Variants in STX18 observed in about 807,000 individuals in gnomAD.
STX18 encodes syntaxin 18, also known as syntaxin-18.
Under a neutral mutation model 50.1 loss-of-function variants are expected in STX18, and 40 were observed. That is an observed-to-expected ratio of 0.80 (90% confidence interval 0.62 to 1.04). STX18 has a LOEUF of 1.04. STX18 is among the 50% of genes least tolerant of loss of function. STX18 has a pLI of 0.00. For synonymous variants in STX18, 158 were observed against 151.8 expected, an observed-to-expected ratio of 1.04 and a Z score of -0.30; for missense variants, 410 against 415.8, an observed-to-expected ratio of 0.99 and a Z score of 0.12.
chr4:4,419,890 A>G lies in STX18; in HGVS notation c.*144T>C, dbSNP rs1724836294. On this transcript the variant is annotated 3_prime_UTR_variant, in exon 11 of 11. Transcript: ENST00000306200. Reference sequence around the variant, plus strand: ...CCTGGGGTATCCCTTTTTGGGGAATACGTCTGTCTGTCTGAACTCCTTTCC... The same window carrying G: ...CCTGGGGTATCCCTTTTTGGGGAATGCGTCTGTCTGTCTGAACTCCTTTCC... 1.5e-6 allele frequency: 1 copy of G among 689,330 alleles called. No homozygotes were observed. The highest frequency in any genetic ancestry group is 2.4e-6 in the Non-Finnish European group (1 of 409,450). 42.7% of individuals were successfully genotyped at this position (689,330 alleles called of 1,614,324 possible). A position where few individuals can be genotyped will look rare whatever the true frequency, so the allele number is the denominator to read the frequency against.
intron 7 of STX18, among the ~76,000 whole-genome samples, chr4:4,426,889 T>C (rs28681006): frequency 0.37 from 56,641 of 152,006 alleles, 15,367 homozygotes; most frequent in African/African-American, 0.77. Context: ...ACATCTCCCA[T>C]CTCAGCTCTG....
At chr4:4,487,831 A>C (rs1728764719) in intron 1 of STX18, among the ~76,000 whole-genome samples, 1 of 152,238 alleles carries the variant, frequency 6.6e-6, no homozygotes, top group African/African-American at 2.4e-5. Context: ...AAACTTTAAA[A>C]AATTCTAAGT....
At chr4:4,467,997 A>T (rs1005349053) in intron 2 of STX18, among the ~76,000 whole-genome samples, 2 of 152,196 alleles carry the variant, frequency 1.3e-5, no homozygotes, top group African/African-American at 4.8e-5. Flanking sequence ...GAGCTGAGAA[A>T]AAACCATCAA....
intron 1 of STX18, among the ~76,000 whole-genome samples, chr4:4,489,915 T>C (rs1386354344): frequency 6.6e-6 from 1 of 152,244 alleles, no homozygotes; most frequent in Non-Finnish European, 1.5e-5. Flanking sequence ...AGGTCCTGTA[T>C]CTGAATTCAG....
chr4:4,463,050 G>A (rs1454684791), intron 2 of STX18, among the ~76,000 whole-genome samples: 4 of 152,306 alleles, frequency 2.6e-5, no homozygotes, highest in Admixed American at 1.3e-4. Flanking sequence ...AAGAACACCC[G>A]GATGCCACTG....
intron 1 of STX18, among the ~76,000 whole-genome samples, chr4:4,480,509 A>T (rs904420228): frequency 3.3e-5 from 5 of 152,300 alleles, no homozygotes; most frequent in Non-Finnish European, 4.4e-5. Flanking sequence ...CCATCTTGCA[A>T]ATACATCCCT....
In STX18 at chr4:4,448,334, T is replaced by A. The variant is rs958641791; in HGVS notation, c.497+8857A>T. On this transcript the variant is annotated intron_variant, in intron 5 of 10. Coordinates refer to ENST00000306200, the MANE Select transcript of STX18 (RefSeq NM_016930.4). ...CACTTATTTTTAGTGTGGCCTTGGA[T>A]GGGTTTTATTTTATGCTTTTTTTTT... Among the ~76,000 whole-genome samples, 5 of 147,390 alleles carry A rather than the reference T, an allele frequency of 3.4e-5. No individual in the cohort carries two copies. The East Asian group carries it at 9.7e-4, about 29-fold the overall frequency.
intron 1 of STX18, among the ~76,000 whole-genome samples, chr4:4,524,579 C>T (rs1271502058): frequency 3.3e-5 from 5 of 152,230 alleles, no homozygotes; most frequent in Non-Finnish European, 7.3e-5. Flanking sequence ...GCAAGTGCTG[C>T]AGCTCAGTGG....
chr4:4,492,239 T>C (rs370877830), intron 1 of STX18, among the ~76,000 whole-genome samples: 3 of 152,124 alleles, frequency 2.0e-5, no homozygotes, highest in East Asian at 3.8e-4. Context: ...CTTTATTTAA[T>C]TAAAATCAGA....
Position 4,541,610 on chromosome 4 carries a change from C to T in STX18, c.168+187G>A, listed in dbSNP as rs537628591. 1.3e-5 allele frequency among the ~76,000 whole-genome samples: 2 copies of T among 152,066 alleles called. 1 individual carries two copies. The highest frequency in any genetic ancestry group is 4.2e-4 in the South Asian group (2 of 4,810). On this transcript the variant is annotated intron_variant, in intron 1 of 10. Coordinates refer to ENST00000306200, the MANE Select transcript of STX18 (RefSeq NM_016930.4). ...AAATCTGTTCCCCAATATGCGTCCC[C>T]CTTCCTCAAAATAAGGCTGTTCCTT...
chr4:4,504,013 T>C (rs1729580349), intron 1 of STX18, among the ~76,000 whole-genome samples: 1 of 152,168 alleles, frequency 6.6e-6, no homozygotes, highest in South Asian at 2.1e-4. Flanking sequence ...TTTTAGGGGA[T>C]ACATGAATAA....
intron 5 of STX18, among the ~76,000 whole-genome samples, chr4:4,453,404 C>G (rs1726870345): frequency 6.6e-6 from 1 of 152,190 alleles, no homozygotes; most frequent in Non-Finnish European, 1.5e-5. Context: ...GGCCCTCTAC[C>G]AACAAAAAGA....
At chr4:4,435,560 C>T (rs1439947249) in intron 6 of STX18, among the ~76,000 whole-genome samples, 2 of 152,102 alleles carry the variant, frequency 1.3e-5, no homozygotes, top group African/African-American at 4.8e-5. Flanking sequence ...GTAGATCTAC[C>T]TTGTTCTTTT....
chr4:4,473,291 CTT>C (rs565584459), intron 1 of STX18, among the ~76,000 whole-genome samples: 23 of 134,622 alleles, frequency 1.7e-4, no homozygotes, highest in Non-Finnish European at 2.4e-4. Flanking sequence ...GGAAATCTGA[CTT>C]TTTTTTTTTT....
At chr4:4,526,613 C>A (rs1404558354) in intron 1 of STX18, among the ~76,000 whole-genome samples, 1 of 152,100 alleles carries the variant, frequency 6.6e-6, no homozygotes, top group Non-Finnish European at 1.5e-5. Flanking sequence ...GTTGAGTCAA[C>A]GGGAAAGTAT....
chr4:4,533,679 T>G (rs1249229473), intron 1 of STX18, among the ~76,000 whole-genome samples: 1 of 152,238 alleles, frequency 6.6e-6, no homozygotes, highest in African/African-American at 2.4e-5. Flanking sequence ...AAAATCTGGT[T>G]CTTGGGCCTC....
chr4:4,442,697 G>A (rs189962382), intron 5 of STX18, among the ~76,000 whole-genome samples: 23 of 151,732 alleles, frequency 1.5e-4, no homozygotes, highest in Admixed American at 4.6e-4. Flanking sequence ...GGCTATTAGT[G>A]TATTGGCGGG....
intron 1 of STX18, among the ~76,000 whole-genome samples, chr4:4,513,350 C>T (rs945017039): frequency 6.6e-6 from 1 of 152,132 alleles, no homozygotes; most frequent in South Asian, 2.1e-4. Flanking sequence ...TAGACTCAAG[C>T]GCCTGATTAC....
At chr4:4,534,105 C>G (rs7696920) in intron 1 of STX18, among the ~76,000 whole-genome samples, 5,656 of 152,208 alleles carry the variant, frequency 0.037, 369 homozygotes, top group African/African-American at 0.13. Flanking sequence ...ACTGGCTGGG[C>G]ATAGGTACAT....
Sources: allele counts gnomAD v4.1 joint callset (sites outside exome capture counted in the v4.1 genomes callset), GRCh38; gene constraint gnomAD v4.1.1; transcripts MANE v1.5; gene names NCBI Gene and HGNC (gene_info 2026-07-23, HGNC 2026-07-21).